Variants in ITGA8 observed in about 807,000 individuals in gnomAD.
ITGA8 encodes the protein integrin subunit alpha 8, also known as integrin alpha-8.
In ITGA8, 91 loss-of-function variants were observed where a neutral mutation model predicts 142.3. The observed-to-expected ratio is 0.64, with a 90% CI of 0.54 to 0.76. The LOEUF (loss-of-function observed/expected upper bound fraction) is 0.76, where lower values mean the gene tolerates loss of function less well. Ranked by LOEUF, ITGA8 falls within the 30% of genes least tolerant of loss-of-function variation. The pLI, the probability that ITGA8 is intolerant of heterozygous loss-of-function variation, is 0.00. For missense variants in ITGA8, 1,406 were observed against 1,327.7 expected (o/e 1.06, Z -0.92); for synonymous variants, 505 against 485.2 (o/e 1.04, Z -0.54).
At chr10:15,663,537 A>G (rs1207548602) in intron 8 of ITGA8, among the ~76,000 whole-genome samples, 1 of 152,026 alleles carries the variant, frequency 6.6e-6, no homozygotes, top group Non-Finnish European at 1.5e-5. Flanking sequence ...TCTTGGGTCA[A>G]AACTGAATGC....
intron 2 of ITGA8, among the ~76,000 whole-genome samples, chr10:15,713,153 CAGAG>C (rs1024829402): frequency 6.6e-6 from 1 of 152,180 alleles, no homozygotes; most frequent in African/African-American, 2.4e-5. Flanking sequence ...TCTGAACAAA[CAGAG>C]AGAAATTTAG....
intron 24 of ITGA8, among the ~76,000 whole-genome samples, chr10:15,573,467 C>G (rs917946729): frequency 6.0e-5 from 9 of 150,580 alleles, no homozygotes; most frequent in Non-Finnish European, 1.5e-5. Flanking sequence ...GCCTTGGTGA[C>G]TGTGTTATCC....
chr10:15,711,021 C>T (rs943719601), intron 2 of ITGA8, among the ~76,000 whole-genome samples: 3 of 152,062 alleles, frequency 2.0e-5, no homozygotes, highest in Admixed American at 6.5e-5. Flanking sequence ...TAAGTAAATA[C>T]CCTGCAGTGC....
At chr10:15,558,995 C>A (rs1833930407) in intron 25 of ITGA8, among the ~76,000 whole-genome samples, 1 of 152,188 alleles carries the variant, frequency 6.6e-6, no homozygotes, top group African/African-American at 2.4e-5. Context: ...ATTATGATTT[C>A]TTTCACACAG....
At chr10:15,525,017 T>G (rs547380562) in intron 28 of ITGA8, among the ~76,000 whole-genome samples, 1 of 152,264 alleles carries the variant, frequency 6.6e-6, no homozygotes, top group East Asian at 1.9e-4. Flanking sequence ...TATTTATTTA[T>G]GTATTTTTGG....
At chr10:15,685,399 G>T (rs1588722977) in intron 3 of ITGA8, among the ~76,000 whole-genome samples, 1 of 152,188 alleles carries the variant, frequency 6.6e-6, no homozygotes, top group East Asian at 1.9e-4. Flanking sequence ...ACAAATATTT[G>T]CTCATACTTT....
intron 8 of ITGA8, among the ~76,000 whole-genome samples, chr10:15,670,661 A>G (rs1481722148): frequency 6.6e-6 from 1 of 152,228 alleles, no homozygotes; most frequent in Non-Finnish European, 1.5e-5. Flanking sequence ...AAATCTACAT[A>G]GGCAGCCAGT....
rs35060475 is a variant in ITGA8, at chr10:15,688,302, C to CA, written c.344-265dup. ...AAACCCTGTCTCTACCAAAAAATAC[C>CA]AAAAAAAAAAAAAAAAAAAAATGCT... On this transcript the variant is annotated intron_variant, in intron 2 of 29. Coordinates refer to ENST00000378076, the MANE Select transcript of ITGA8 (RefSeq NM_003638.3). Among the ~76,000 whole-genome samples, 59,770 of 112,692 alleles carry CA rather than the reference C, an allele frequency of 0.53. 16,030 individuals are homozygous for CA. Among genetic ancestry groups the CA allele is most frequent in the East Asian group, 0.7 (2,752 of 3,944 alleles). 73.9% of individuals were successfully genotyped at this position (112,692 alleles called of 152,430 possible).
chr10:15,653,104 T>C (rs1480352629), intron 11 of ITGA8, among the ~76,000 whole-genome samples: 1 of 152,230 alleles, frequency 6.6e-6, no homozygotes, highest in Non-Finnish European at 1.5e-5. Flanking sequence ...AGCTCTCTGC[T>C]GGTTCTTGAA....
At chr10:15,616,413 T>C (rs1564376087) in intron 14 of ITGA8, 101 bp downstream of exon 14, 5 of 897,690 alleles carry the variant, frequency 5.6e-6, no homozygotes, top group Non-Finnish European at 9.1e-6. Flanking sequence ...ATCTAAATAT[T>C]CCCCAGAATA....
At chr10:15,688,875 A>C (rs1834881845) in intron 2 of ITGA8, among the ~76,000 whole-genome samples, 1 of 152,246 alleles carries the variant, frequency 6.6e-6, no homozygotes, top group Non-Finnish European at 1.5e-5. Context: ...ATACATCACA[A>C]GCCCACAGCT....
At chr10:15,539,385 A>G (rs1833522360) in intron 27 of ITGA8, among the ~76,000 whole-genome samples, 1 of 152,190 alleles carries the variant, frequency 6.6e-6, no homozygotes, top group African/African-American at 2.4e-5. Flanking sequence ...ACTCTTCCCC[A>G]GGTTAAGTCT....
chr10:15,562,268 G>A (rs770626951), intron 25 of ITGA8, among the ~76,000 whole-genome samples: 32 of 152,214 alleles, frequency 2.1e-4, no homozygotes, highest in Non-Finnish European at 3.7e-4. Flanking sequence ...ACAAGGCAAC[G>A]AGGAGGGTGC....
chr10:15,532,401 C>T (rs918200660), intron 27 of ITGA8, among the ~76,000 whole-genome samples: 4 of 119,826 alleles, frequency 3.3e-5, no homozygotes, highest in Admixed American at 1.1e-4. Flanking sequence ...CCTGCGCAAC[C>T]GAGTGAGACT....
chr10:15,565,248 A>G (rs1429259029), intron 25 of ITGA8, among the ~76,000 whole-genome samples: 1 of 152,238 alleles, frequency 6.6e-6, no homozygotes, highest in Non-Finnish European at 1.5e-5. Flanking sequence ...GACCAGGTCC[A>G]GGGGCAAGCC....
At chr10:15,692,533 A>G (rs955959737) in intron 2 of ITGA8, among the ~76,000 whole-genome samples, 4 of 152,190 alleles carry the variant, frequency 2.6e-5, no homozygotes, top group South Asian at 4.1e-4. Flanking sequence ...AATCTTTCCC[A>G]ATAGTGAAAC....
intron 13 of ITGA8, among the ~76,000 whole-genome samples, chr10:15,632,714 G>A (rs1833705355): frequency 6.6e-6 from 1 of 152,026 alleles, no homozygotes; most frequent in South Asian, 2.1e-4. Context: ...ATTGGTAAGT[G>A]GTACAAATCT....
chr10:15,625,581 C>A (rs565973985), intron 13 of ITGA8, among the ~76,000 whole-genome samples: 10 of 152,326 alleles, frequency 6.6e-5, no homozygotes, highest in African/African-American at 2.4e-4. Flanking sequence ...GCTTCCCTGA[C>A]ACCTAGCCTG....
At chr10:15,617,292 A>G (rs1350358913) in intron 13 of ITGA8, among the ~76,000 whole-genome samples, 1 of 151,940 alleles carries the variant, frequency 6.6e-6, no homozygotes. Context: ...TCACACAAGT[A>G]GGTAAGTGGT....
Sources: gnomAD v4.1 joint callset for allele counts (sites outside exome capture counted in the v4.1 genomes callset) on GRCh38, gnomAD v4.1.1 for gene constraint, MANE v1.5 for transcripts, NCBI Gene and HGNC (gene_info 2026-07-23, HGNC 2026-07-21) for gene names.